MYCN: variants seen among roughly 807,000 people sequenced by gnomAD.
The protein encoded by MYCN is MYCN proto-oncogene, bHLH transcription factor.
MYCN carries 3 observed loss-of-function variants against 28.1 expected under a neutral mutation model. That is an observed-to-expected ratio of 0.11 (90% CI 0.05 to 0.28). MYCN has a LOEUF of 0.28. Ranked by LOEUF, MYCN falls within the 10% of genes least tolerant of loss-of-function variation. The pLI, the probability that MYCN is intolerant of heterozygous loss-of-function variation, is 1.00. For synonymous variants in MYCN, 326 were observed against 288.3 expected (o/e 1.13, Z -1.32); for missense variants, 572 against 651.4 (o/e 0.88, Z 1.33).
In MYCN at chr2:15,942,820, C is replaced by A; in HGVS notation, c.756C>A (p.Leu252=). 6.4e-7 allele frequency: 1 copy of A among 1,570,230 alleles called. No individual in the cohort carries two copies. The highest frequency in any genetic ancestry group is 1.2e-5 in the South Asian group (1 of 86,822). The change falls in exon 2 of 3, where the codon CTC becomes CTA. Residue 252 remains leucine (L), a synonymous_variant. Transcript: ENST00000281043. The surrounding 1 kb of genome is among the most constrained non-coding windows in gnomAD (Gnocchi z 7.0). ...CCAGCGGCGGCGACCACAAGGCCCTCAGTACCTCCGGAGAGGACACCCTGA... is the reference window on the plus strand; with the variant it reads ...CCAGCGGCGGCGACCACAAGGCCCTAAGTACCTCCGGAGAGGACACCCTGA... ...RQTSGGDHKA[L]STSGEDTLSD...
Position 15,942,709 on chromosome 2 carries a change from G to T in MYCN, c.645G>T (p.Ala215=). Residue 215 remains alanine (A), a synonymous_variant, in exon 2 of 3, where the codon GCG becomes GCT. Transcript: ENST00000281043. The surrounding 1 kb of genome is among the most constrained non-coding windows in gnomAD (Gnocchi z 7.0). ...VPAAPASAPA[A]GPAVASGAGI... Reference sequence around the variant, plus strand: ...CAGCCCCGGCCAGTGCCCCGGCGGCGGGCCCTGCGGTCGCCTCGGGGGCGG... The same window carrying T: ...CAGCCCCGGCCAGTGCCCCGGCGGCTGGCCCTGCGGTCGCCTCGGGGGCGG... 1 of 1,188,260 alleles carries T rather than the reference G, an allele frequency of 8.4e-7. No homozygotes were observed. The highest frequency in any genetic ancestry group is 4.5e-5 in the Admixed American group (1 of 22,370). 73.6% of individuals were successfully genotyped at this position (1,188,260 alleles called of 1,614,324 possible).
chr2:15,946,311 C>T lies in MYCN; in HGVS notation c.*214C>T. 1 of 637,270 alleles carries T rather than the reference C, an allele frequency of 1.6e-6. No individual in the cohort carries two copies. 39.5% of individuals were successfully genotyped at this position (637,270 alleles called of 1,614,324 possible). On this transcript the variant is annotated 3_prime_UTR_variant, in exon 3 of 3. Coordinates refer to ENST00000281043, the MANE Select transcript of MYCN (RefSeq NM_005378.6). ...ATGCTGGGTGGCCCTGCAGCCTCCTCCACCTCACCTCCATGACAGCGCTAA... is the reference window on the plus strand; with the variant it reads ...ATGCTGGGTGGCCCTGCAGCCTCCTTCACCTCACCTCCATGACAGCGCTAA...
chr2:15,940,992 C>T (rs1251639401), intron 1 of MYCN: 1 of 380,330 alleles, frequency 2.6e-6, no homozygotes, highest in Non-Finnish European at 4.7e-6. Flanking sequence ...GTAATGGCTT[C>T]TGCGAAAAGA....
Position 15,942,536 on chromosome 2 carries a change from G to T in MYCN, c.472G>T (p.Ala158Ser). 7.7e-7 allele frequency: 1 copy of T among 1,306,450 alleles called. No homozygotes were observed. Among genetic ancestry groups the T allele is most frequent in the Non-Finnish European group, 9.7e-7 (1 of 1,032,698 alleles). The allele number at this position is 1,306,450 out of a possible 1,614,324, so 80.9% of individuals were successfully genotyped here. The change falls in exon 2 of 3, where the codon GCG (alanine) becomes TCG (serine). Residue 158 changes from alanine (A) to serine (S), a missense_variant. This residue lies in a region of MYCN where 499 missense variants were observed against 524.3 expected (regional missense o/e 0.95). Coordinates refer to ENST00000281043, the MANE Select transcript of MYCN (RefSeq NM_005378.6). This position sits in a 1 kb window ranked among gnomAD's most constrained non-coding sequence, Gnocchi z 7.0. ...QSPGAGAASP[A>S]GRGHGGAAGA... ...CCCGGGAGCCGGCGCCGCCAGCCCT[G>T]CGGGTCGCGGGCACGGCGGGGCTGC...
In MYCN at chr2:15,942,261, G is replaced by T. The variant is rs1166304025; in HGVS notation, c.197G>T (p.Gly66Val). The change falls in exon 2 of 3, where the codon GGC becomes GTC. Residue 66 changes from glycine to valine, a missense_variant. Physicochemically the swap from Gly to Val is moderately radical, Grantham distance 109 (BLOSUM62 -3). Transcript: ENST00000281043. The surrounding 1 kb of genome is among the most constrained non-coding windows in gnomAD (Gnocchi z 7.0). ...LPTPPLSPSR[G>V]FAEHSSEPPS... ...ACGCCCCCGCTGTCGCCCAGCCGTG[G>T]CTTCGCGGAGCACAGCTCCGAGCCC... 1.2e-6 allele frequency: 2 copies of T among 1,612,396 alleles called. No homozygotes were observed. The highest frequency in any genetic ancestry group is 4.5e-5 in the East Asian group (2 of 44,844).
chr2:15,941,671 T>A lies in MYCN; in HGVS notation c.-117-277T>A. The A allele has an allele frequency of 2.9e-6, 1 of 341,140 alleles. No individual in the cohort carries two copies. Among genetic ancestry groups the A allele is most frequent in the Admixed American group, 4.5e-5 (1 of 22,028 alleles). 21.1% of individuals were successfully genotyped at this position (341,140 alleles called of 1,614,324 possible). On this transcript the variant is annotated intron_variant, in intron 1 of 2. Transcript: ENST00000281043. This position sits in a 1 kb window ranked among gnomAD's most constrained non-coding sequence, Gnocchi z 4.8. ...CAGCCCCCTCCCCCAGGCAGTGCCT[T>A]GTGTGAATGAAATGGCAGTTTCCAA...
rs769401203 is a variant in MYCN at position 15,942,322 on chromosome 2, G to A, written c.258G>A (p.Glu86=). The change falls in exon 2 of 3, where the codon GAG becomes GAA. Residue 86 remains glutamate, a synonymous_variant. Transcript: ENST00000281043. The surrounding 1 kb of genome is among the most constrained non-coding windows in gnomAD (Gnocchi z 7.0). ...SWVTEMLLEN[E]LWGSPAEEDA... ...TCACGGAGATGCTGCTTGAGAACGA[G>A]CTGTGGGGCAGCCCGGCCGAGGAGG... The A allele has an allele frequency of 8.7e-6, 14 of 1,608,614 alleles. No individual in the cohort carries two copies. The highest frequency in any genetic ancestry group is 1.0e-5 in the Non-Finnish European group (12 of 1,178,252).
Position 15,942,723 on chromosome 2 carries a change from C to T in MYCN, c.659C>T (p.Ala220Val), listed in dbSNP as rs1662735892. ...GCCCCGGCGGCGGGCCCTGCGGTCG[C>T]CTCGGGGGCGGGTATTGCCGCCCCA... ...ASAPAAGPAV[A>V]SGAGIAAPAG... is the part of the protein sequence containing the mutation. Residue 220 changes from alanine to valine, a missense_variant, in exon 2 of 3, where the codon GCC (alanine) becomes GTC (valine). This residue lies in a region of MYCN where 499 missense variants were observed against 524.3 expected (regional missense o/e 0.95). Coordinates refer to ENST00000281043, the MANE Select transcript of MYCN (RefSeq NM_005378.6). The surrounding 1 kb of genome is among the most constrained non-coding windows in gnomAD (Gnocchi z 7.0). The T allele has an allele frequency of 1.6e-6, 2 of 1,256,628 alleles. No homozygotes were observed. Among genetic ancestry groups the T allele is most frequent in the African/African-American group, 1.6e-5 (1 of 63,778 alleles). 77.8% of individuals were successfully genotyped at this position (1,256,628 alleles called of 1,614,324 possible). A position where few individuals can be genotyped will look rare whatever the true frequency, so the allele number is the denominator to read the frequency against.
Position 15,946,286 on chromosome 2 carries a change from A to T in MYCN, c.*189A>T. 1 of 795,990 alleles carries T rather than the reference A, an allele frequency of 1.3e-6. No individual in the cohort carries two copies. The highest frequency in any genetic ancestry group is 2.0e-6 in the Non-Finnish European group (1 of 496,948). 49.3% of individuals were successfully genotyped at this position (795,990 alleles called of 1,614,324 possible). A position where few individuals can be genotyped will look rare whatever the true frequency, so the allele number is the denominator to read the frequency against. ...GACCTTGGAGAGCCTGCATCCCAGGATGCTGGGTGGCCCTGCAGCCTCCTC... is the reference window on the plus strand; with the variant it reads ...GACCTTGGAGAGCCTGCATCCCAGGTTGCTGGGTGGCCCTGCAGCCTCCTC... On this transcript the variant is annotated 3_prime_UTR_variant, in exon 3 of 3. Coordinates refer to ENST00000281043, the MANE Select transcript of MYCN (RefSeq NM_005378.6).
rs1662682875 is a variant in MYCN at position 15,941,772 on chromosome 2, A to G, written c.-117-176A>G. The G allele has an allele frequency of 3.7e-6, 2 of 546,026 alleles. 1 individual carries two copies. The highest frequency in any genetic ancestry group is 6.6e-6 in the Non-Finnish European group (2 of 302,234). 33.8% of individuals were successfully genotyped at this position (546,026 alleles called of 1,614,324 possible). ...CCCTGTCGTAGACAGCTTGTACACA[A>G]AAGGAGGGCGGGAGGGAGGGAGCGA... On this transcript the variant is annotated intron_variant, in intron 1 of 2. Transcript: ENST00000281043. This position sits in a 1 kb window ranked among gnomAD's most constrained non-coding sequence, Gnocchi z 4.8.
chr2:15,940,760 G>A lies in MYCN; in HGVS notation c.-118+17G>A. 1 of 365,934 alleles carries A rather than the reference G, an allele frequency of 2.7e-6. No homozygotes were observed. The highest frequency in any genetic ancestry group is 4.9e-6 in the Non-Finnish European group (1 of 204,892). The allele number at this position is 365,934 out of a possible 1,614,324, so 22.7% of individuals were successfully genotyped here. ...CGGCGGGAGGTAAGGAGCAGGGCTT[G>A]CAAACCGCCCGGCGCCCAGGGAAGC... is the stretch of plus-strand genomic sequence containing the variant. On this transcript the variant is annotated intron_variant, in intron 1 of 2. Coordinates refer to ENST00000281043, the MANE Select transcript of MYCN (RefSeq NM_005378.6).
In MYCN at chr2:15,946,277, C is replaced by T; in HGVS notation, c.*180C>T. 1.2e-6 allele frequency: 1 copy of T among 852,554 alleles called. No homozygotes were observed. The highest frequency in any genetic ancestry group is 1.7e-5 in the African/African-American group (1 of 59,282). 52.8% of individuals were successfully genotyped at this position (852,554 alleles called of 1,614,324 possible). A position where few individuals can be genotyped will look rare whatever the true frequency, so the allele number is the denominator to read the frequency against. On this transcript the variant is annotated 3_prime_UTR_variant, in exon 3 of 3. Transcript: ENST00000281043. ...TTCTGCTGGGACCTTGGAGAGCCTG[C>T]ATCCCAGGATGCTGGGTGGCCCTGC...
chr2:15,946,026 C>T lies in MYCN; in HGVS notation c.1324C>T (p.Leu442=), dbSNP rs567217311. 10 of 1,614,186 alleles carry T rather than the reference C, an allele frequency of 6.2e-6. No individual in the cohort carries two copies. In the African/African-American group the frequency reaches 1.2e-4, roughly 19 times the overall value. Residue 442 remains leucine, a synonymous_variant, in exon 3 of 3, where the codon CTG becomes TTG. Coordinates refer to ENST00000281043, the MANE Select transcript of MYCN (RefSeq NM_005378.6). ...CCAGGCCGAGGAGCACCAGCTTTTG[C>T]TGGAAAAGGAAAAATTGCAGGCAAG... ...SLQAEEHQLL[L]EKEKLQARQQ... is the part of the protein sequence containing the mutation.
At chr2:15,943,598 A>T (rs552652009) in intron 2 of MYCN, among the ~76,000 whole-genome samples, 5 of 152,060 alleles carry the variant, frequency 3.3e-5, no homozygotes, top group African/African-American at 4.8e-5. Context: ...GTGCAACAGC[A>T]GTTGTGTACA....
Position 15,945,454 on chromosome 2 carries a change from AT to A in MYCN, c.791-38del, listed in dbSNP as rs1380519123. On this transcript the variant is annotated intron_variant, in intron 2 of 2. Coordinates refer to ENST00000281043, the MANE Select transcript of MYCN (RefSeq NM_005378.6). This position sits in a 1 kb window ranked among gnomAD's most constrained non-coding sequence, Gnocchi z 4.8. ...GGATATATATGTGAATTTCATTCAA[AT>A]GGTTCTCACATGAGAGTAACTAGCA... The A allele has an allele frequency of 6.4e-7, 1 of 1,564,102 alleles. No homozygotes were observed. Among genetic ancestry groups the A allele is most frequent in the Non-Finnish European group, 8.7e-7 (1 of 1,153,082 alleles).
Position 15,946,465 on chromosome 2 carries a change from G to T in MYCN, c.*368G>T. Reference sequence around the variant, plus strand: ...AGTTCCAGCAGATGCCACATAAGGGGTTTGCCATTTGATACCCCTGGGGAA... The same window carrying T: ...AGTTCCAGCAGATGCCACATAAGGGTTTTGCCATTTGATACCCCTGGGGAA... On this transcript the variant is annotated 3_prime_UTR_variant, in exon 3 of 3. Coordinates refer to ENST00000281043, the MANE Select transcript of MYCN (RefSeq NM_005378.6). The T allele has an allele frequency of 2.5e-6, 1 of 407,112 alleles. No homozygotes were observed. The highest frequency in any genetic ancestry group is 4.6e-6 in the Non-Finnish European group (1 of 218,392). 25.2% of individuals were successfully genotyped at this position (407,112 alleles called of 1,614,324 possible).
At position 15,941,817 on chromosome 2, in the gene MYCN, C is replaced by T. The variant is rs1299001649; in HGVS notation, c.-117-131C>T. 3.4e-6 allele frequency: 2 copies of T among 594,106 alleles called. No homozygotes were observed. The highest frequency in any genetic ancestry group is 2.8e-5 in the East Asian group (1 of 35,764). 36.8% of individuals were successfully genotyped at this position (594,106 alleles called of 1,614,324 possible). A position where few individuals can be genotyped will look rare whatever the true frequency, so the allele number is the denominator to read the frequency against. ...GAGCGAGAGGCACAACTTCCTCCAC[C>T]TTCGGGAGCAGTGGGCAGAGTGGGG... On this transcript the variant is annotated intron_variant, in intron 1 of 2. Transcript: ENST00000281043. The surrounding 1 kb of genome is among the most constrained non-coding windows in gnomAD (Gnocchi z 4.8).
chr2:15,940,678 G>T lies in MYCN; in HGVS notation c.-183G>T. On this transcript the variant is annotated 5_prime_UTR_variant, in exon 1 of 3. Transcript: ENST00000281043. Reference sequence around the variant, plus strand: ...ACTGTAGCCATCCGAGGACACCCCCGCCCCCCCGGCCCACCCGGAGACACC... The same window carrying T: ...ACTGTAGCCATCCGAGGACACCCCCTCCCCCCCGGCCCACCCGGAGACACC... The T allele has an allele frequency of 3.9e-6, 1 of 255,254 alleles. No homozygotes were observed. The highest frequency in any genetic ancestry group is 7.4e-6 in the Non-Finnish European group (1 of 134,966). 15.8% of individuals were successfully genotyped at this position (255,254 alleles called of 1,614,324 possible).
Position 15,946,976 on chromosome 2 carries a change from T to A in MYCN, c.*879T>A, listed in dbSNP as rs1055258574. 22 of 198,666 alleles carry A rather than the reference T, an allele frequency of 1.1e-4. No individual in the cohort carries two copies. Among genetic ancestry groups the A allele is most frequent in the Admixed American group, 1.8e-4 (3 of 16,594 alleles). 12.3% of individuals were successfully genotyped at this position (198,666 alleles called of 1,614,324 possible). A position where few individuals can be genotyped will look rare whatever the true frequency, so the allele number is the denominator to read the frequency against. On this transcript the variant is annotated 3_prime_UTR_variant, in exon 3 of 3. Transcript: ENST00000281043. ...TTATAGCACTTTGAAATACCTCATG[T>A]TTATGAAAATAAATAGCTTAAAATT...
Sources: allele counts gnomAD v4.1 joint callset (sites outside exome capture counted in the v4.1 genomes callset), GRCh38; gene constraint gnomAD v4.1.1; regional missense constraint gnomAD v4.1.1; non-coding constraint Gnocchi (gnomAD v3.1); transcripts MANE v1.5; gene names NCBI Gene and HGNC (gene_info 2026-07-23, HGNC 2026-07-21).